EPX: variants seen among roughly 807,000 people sequenced by gnomAD.
EPX encodes eosinophil peroxidase.
Under a neutral mutation model 73.0 loss-of-function variants are expected in EPX, and 60 were observed. That is an observed-to-expected ratio of 0.82 (90% CI 0.67 to 1.02). The LOEUF (loss-of-function observed/expected upper bound fraction) is 1.02, where lower values mean the gene tolerates loss of function less well. EPX is among the 50% of genes least tolerant of loss of function. The pLI is 0.00. For synonymous variants in EPX, 347 were observed against 389.2 expected, an observed-to-expected ratio of 0.89 and a Z score of 1.28; for missense variants, 950 against 973.9, an observed-to-expected ratio of 0.98 and a Z score of 0.33.
chr17:58,201,548 T>C (rs924727583), intron 10 of EPX, among the ~76,000 whole-genome samples: 6 of 152,036 alleles, frequency 3.9e-5, no homozygotes, highest in Admixed American at 1.3e-4. Flanking sequence ...GGTATGGGTA[T>C]GGGTATGGGC....
rs200554942 is a variant in EPX, at chr17:58,199,149, T to A, written c.1230T>A (p.Asn410Lys). 113 of 1,614,018 alleles carry A rather than the reference T, an allele frequency of 7.0e-5. 2 individuals are homozygous for A. The East Asian group carries it at 2.5e-3, about 36-fold the overall frequency. Residue 410 changes from asparagine to lysine, a missense_variant, in exon 8 of 13, where the codon AAT becomes AAA. Coordinates refer to ENST00000225371, the MANE Select transcript of EPX (RefSeq NM_000502.6). ...TGAGACGCCTGAATCCCCGGTGGAATGGAGACAAACTGTACAATGAGGCTC... is the reference window on the plus strand; with the variant it reads ...TGAGACGCCTGAATCCCCGGTGGAAAGGAGACAAACTGTACAATGAGGCTC... Reference protein sequence around the residue: ...TELRRLNPRWNGDKLYNEARK... With the variant: ...TELRRLNPRWKGDKLYNEARK...
chr17:58,201,918 AT>A (rs1968347784), intron 10 of EPX, among the ~76,000 whole-genome samples: 1 of 152,194 alleles, frequency 6.6e-6, no homozygotes, highest in Non-Finnish European at 1.5e-5. Flanking sequence ...GCTCCCCGCA[AT>A]ACCTGTGCCC....
At position 58,193,834 on chromosome 17, in the gene EPX, G is replaced by A. The variant is rs1468753989; in HGVS notation, c.464+3G>A. The A allele has an allele frequency of 3.1e-6, 5 of 1,608,978 alleles. No homozygotes were observed. Among genetic ancestry groups the A allele is most frequent in the Non-Finnish European group, 4.3e-6 (5 of 1,175,562 alleles). ...ATCACTGGACGGTGCAACAACAAGT[G>A]CGTGCGGGGCGGCAGGAGGGGCTGC... On this transcript the variant is annotated splice_donor_region_variant and intron_variant, in intron 4 of 12. Transcript: ENST00000225371.
chr17:58,200,803 A>C (rs1028809863), intron 10 of EPX, among the ~76,000 whole-genome samples: 47 of 152,242 alleles, frequency 3.1e-4, no homozygotes, highest in African/African-American at 1.1e-3. Flanking sequence ...AAGTGGAGAA[A>C]GGCAAAGAGC....
chr17:58,193,879 C>T (rs1034870512), intron 4 of EPX, 48 bp downstream of exon 4: 1 of 1,603,764 alleles, frequency 6.2e-7, no homozygotes, highest in African/African-American at 1.3e-5. Flanking sequence ...GGGGACCTCT[C>T]CCTTCCTGCA....
At chr17:58,198,375 C>A (rs1013334256) in intron 7 of EPX, among the ~76,000 whole-genome samples, 1 of 152,152 alleles carries the variant, frequency 6.6e-6, no homozygotes, top group African/African-American at 2.4e-5. Context: ...TCGGCCCCAA[C>A]CCCTCTTTTG....
rs1330488583 is a variant in EPX, at chr17:58,200,350, C to A, written c.1663C>A (p.Leu555Met). 1.2e-6 allele frequency: 2 copies of A among 1,614,222 alleles called. No homozygotes were observed. The highest frequency in any genetic ancestry group is 1.7e-6 in the Non-Finnish European group (2 of 1,180,038). ...GCAAGTGAGGAGGATTGGGCTGGACCTGGCAGCTCTCAACATGCAACGAAG... is the reference window on the plus strand; with the variant it reads ...GCAAGTGAGGAGGATTGGGCTGGACATGGCAGCTCTCAACATGCAACGAAG... ...FRQVRRIGLD[L>M]AALNMQRSRD... The change falls in exon 10 of 13, where the codon CTG becomes ATG. Residue 555 changes from leucine to methionine, a missense_variant. By Grantham distance (15) the Leu-to-Met change is conservative (BLOSUM62 2). Transcript: ENST00000225371.
intron 5 of EPX, 32 bp from the exon 6 acceptor site, chr17:58,194,932 C>A: frequency 6.4e-7 from 1 of 1,566,204 alleles, no homozygotes; most frequent in East Asian, 2.2e-5. Flanking sequence ...TCAGGGAGCC[C>A]ATGTCCCGTG....
chr17:58,196,421 T>C (rs563959546), intron 6 of EPX, among the ~76,000 whole-genome samples: 2 of 152,330 alleles, frequency 1.3e-5, no homozygotes, highest in African/African-American at 4.8e-5. Context: ...ATATGGCTTT[T>C]CTATCAAGCA....
At chr17:58,199,902 C>A in intron 9 of EPX, 108 bp downstream of exon 9, 1 of 1,193,300 alleles carries the variant, frequency 8.4e-7, no homozygotes, top group Non-Finnish European at 1.2e-6. Context: ...GAGGCCACTG[C>A]TAATATCTCC....
rs376231518 is a variant in EPX, at chr17:58,193,393, G to A, written c.193G>A (p.Gly65Ser). The change falls in exon 3 of 13, where the codon GGT (glycine) becomes AGT (serine). Residue 65 changes from glycine to serine, a missense_variant. Physicochemically the swap from Gly to Ser is moderately conservative, Grantham distance 56 (BLOSUM62 0). Transcript: ENST00000225371. ...CAGCATCAAGCAGCGGCTTCGCAGC[G>A]GTTCAGCCAGCCCCATGGACCTCCT... is the stretch of plus-strand genomic sequence containing the variant. ...QKSIKQRLRS[G>S]SASPMDLLSY... 55 of 1,614,070 alleles carry A rather than the reference G, an allele frequency of 3.4e-5. 1 individual carries two copies. Among genetic ancestry groups the A allele is most frequent in the Middle Eastern group, 3.3e-4 (2 of 6,082 alleles).
At position 58,193,770 on chromosome 17, in the gene EPX, C is replaced by T. The variant is rs761365538; in HGVS notation, c.403C>T (p.Arg135Trp). 1.3e-5 allele frequency: 21 copies of T among 1,612,684 alleles called. No homozygotes were observed. Among genetic ancestry groups the T allele is most frequent in the African/African-American group, 5.3e-5 (4 of 74,868 alleles). Reference protein sequence around the residue: ...LLSQASGCALRDQAERCSDKY... With the variant: ...LLSQASGCALWDQAERCSDKY... ...GTCCCAGGCCAGTGGCTGTGCTCTC[C>T]GGGACCAGGCCGAGCGCTGCAGCGA... is the stretch of plus-strand genomic sequence containing the variant. The change falls in exon 4 of 13, where the codon CGG (arginine) becomes TGG (tryptophan). Residue 135 changes from arginine (R) to tryptophan (W), a missense_variant. Coordinates refer to ENST00000225371, the MANE Select transcript of EPX (RefSeq NM_000502.6).
intron 9 of EPX, among the ~76,000 whole-genome samples, 173 bp from the exon 10 acceptor site, chr17:58,200,052 G>C (rs777380115): frequency 3.3e-5 from 5 of 152,204 alleles, no homozygotes; most frequent in Non-Finnish European, 7.3e-5. Flanking sequence ...TCCTTAAGAA[G>C]TACCTCCCAG....
chr17:58,193,517 C>T lies in EPX; in HGVS notation c.317C>T (p.Pro106Leu). 6.2e-7 allele frequency: 1 copy of T among 1,614,196 alleles called. No individual in the cohort carries two copies. The highest frequency in any genetic ancestry group is 1.6e-4 in the Middle Eastern group (1 of 6,062). The change falls in exon 3 of 13, where the codon CCC becomes CTC. Residue 106 changes from proline to leucine, a missense_variant. Transcript: ENST00000225371. ...GGGCTGCTTGAAGAGAAGTTACAACCCCAGCGGTCCGGACCCTTCAATGTC... is the reference window on the plus strand; with the variant it reads ...GGGCTGCTTGAAGAGAAGTTACAACTCCAGCGGTCCGGACCCTTCAATGTC... ...ALGLLEEKLQ[P>L]QRSGPFNVTD...
intron 8 of EPX, among the ~76,000 whole-genome samples, 168 bp from the exon 9 acceptor site, chr17:58,199,371 C>T (rs1434371175): frequency 6.6e-6 from 1 of 152,248 alleles, no homozygotes; most frequent in Non-Finnish European, 1.5e-5. Context: ...GTGACCCTGT[C>T]TGTGTCACTC....
intron 4 of EPX, 42 bp downstream of exon 4, chr17:58,193,873 A>C: frequency 6.3e-7 from 1 of 1,599,370 alleles, no homozygotes; most frequent in Non-Finnish European, 8.6e-7. Flanking sequence ...TGCCTGGGGG[A>C]CCTCTCCCTT....
chr17:58,195,218 A>C, intron 6 of EPX, 48 bp downstream of exon 6: 15 of 1,429,562 alleles, frequency 1.0e-5, no homozygotes, highest in Non-Finnish European at 1.3e-5. Context: ...GCCTCCCCCA[A>C]AGGCAAGGTG....
intron 9 of EPX, 104 bp downstream of exon 9, chr17:58,199,898 A>G: frequency 2.4e-6 from 3 of 1,239,946 alleles, no homozygotes; most frequent in Non-Finnish European, 2.3e-6. Context: ...TGCAGAGGCC[A>G]CTGCTAATAT....
chr17:58,196,920 G>C lies in EPX; in HGVS notation c.802-19G>C. 1 of 1,610,058 alleles carries C rather than the reference G, an allele frequency of 6.2e-7. No individual in the cohort carries two copies. Among genetic ancestry groups the C allele is most frequent in the Non-Finnish European group, 8.5e-7 (1 of 1,178,000 alleles). On this transcript the variant is annotated intron_variant, in intron 6 of 12. Transcript: ENST00000225371. Reference sequence around the variant, plus strand: ...GCTATTGAGGGGGCCCCATGTCACTGTCTCCTCTTCCATCTCAGATCCCAC... The same window carrying C: ...GCTATTGAGGGGGCCCCATGTCACTCTCTCCTCTTCCATCTCAGATCCCAC...
Sources: gnomAD v4.1 joint callset for allele counts (sites outside exome capture counted in the v4.1 genomes callset) on GRCh38, gnomAD v4.1.1 for gene constraint, MANE v1.5 for transcripts, NCBI Gene and HGNC (gene_info 2026-07-23, HGNC 2026-07-21) for gene names.